The following GSK3B variants were observed in gnomAD, a reference collection of about 807,000 sequenced individuals.
GSK3B encodes glycogen synthase kinase-3 beta.
Under a neutral mutation model 56.4 loss-of-function variants are expected in GSK3B, and 15 were observed. That is an observed-to-expected ratio of 0.27 (90% CI 0.18 to 0.41). GSK3B has a LOEUF of 0.41. Ranked by LOEUF, GSK3B falls within the 10% of genes least tolerant of loss-of-function variation. GSK3B has a pLI of 1.00. For synonymous variants in GSK3B, 181 were observed against 188.9 expected, an observed-to-expected ratio of 0.96 and a Z score of 0.34; for missense variants, 300 against 513.4, an observed-to-expected ratio of 0.58 and a Z score of 4.02.
chr3:119,855,210 C>G (rs1290536573), intron 9 of GSK3B, among the ~76,000 whole-genome samples: 4 of 151,808 alleles, frequency 2.6e-5, no homozygotes, highest in Non-Finnish European at 4.4e-5. Flanking sequence ...TTTATGCAGC[C>G]AACAGACACA....
intron 9 of GSK3B, among the ~76,000 whole-genome samples, chr3:119,853,734 G>A (rs935387413): frequency 2.0e-5 from 3 of 152,124 alleles, no homozygotes; most frequent in Admixed American, 6.5e-5. Context: ...TCTGTTATTG[G>A]TGTATAAGAA....
intron 1 of GSK3B, among the ~76,000 whole-genome samples, chr3:120,035,564 T>C (rs2058015231): frequency 1.3e-5 from 2 of 152,250 alleles, no homozygotes; most frequent in South Asian, 2.1e-4. Context: ...GTAGATCAAC[T>C]AGGAGAGCAC....
chr3:119,996,596 G>GTT (rs61610113), intron 2 of GSK3B, among the ~76,000 whole-genome samples: 19 of 140,314 alleles, frequency 1.4e-4, no homozygotes, highest in Non-Finnish European at 2.5e-4. Flanking sequence ...TTTATTTAGT[G>GTT]TTTTTTTTTT....
At chr3:120,020,621 GCCT>G (rs2107508988) in intron 1 of GSK3B, among the ~76,000 whole-genome samples, 1 of 152,052 alleles carries the variant, frequency 6.6e-6, no homozygotes, top group East Asian at 1.9e-4. Flanking sequence ...CCTCTCCTCA[GCCT>G]CCTTATTCCA....
chr3:119,917,273 G>A (rs1385985235), intron 4 of GSK3B, among the ~76,000 whole-genome samples: 1 of 152,148 alleles, frequency 6.6e-6, no homozygotes, highest in African/African-American at 2.4e-5. Context: ...GGTGAAAACT[G>A]CAGACAGCTG....
At position 119,832,945 on chromosome 3, in the gene GSK3B, A is replaced by AT; in HGVS notation, c.1196-6091dup. 4 of 976,484 alleles carry AT rather than the reference A, an allele frequency of 4.1e-6. No individual in the cohort carries two copies. In the South Asian group the frequency reaches 1.4e-4, roughly 35 times the overall value. The allele number at this position is 976,484 out of a possible 1,614,324, so 60.5% of individuals were successfully genotyped here. A position where few individuals can be genotyped will look rare whatever the true frequency, so the allele number is the denominator to read the frequency against. On this transcript the variant is annotated intron_variant, in intron 10 of 10. Coordinates refer to ENST00000264235, the MANE Select transcript of GSK3B (RefSeq NM_001146156.2). ...CTTTTTATAGGACAGGATCTACAGC[A>AT]TTTTTTGTTTTGTTTGTTTGTTTTT...
intron 9 of GSK3B, among the ~76,000 whole-genome samples, chr3:119,850,936 A>G (rs773662776): frequency 6.6e-6 from 1 of 152,168 alleles, no homozygotes. Context: ...AATAGGAAGG[A>G]TAAAAGATAG....
intron 2 of GSK3B, among the ~76,000 whole-genome samples, chr3:119,949,991 T>C (rs936240533): frequency 6.6e-6 from 1 of 151,420 alleles, no homozygotes; most frequent in African/African-American, 2.4e-5. Context: ...CATTTGGGAG[T>C]CATCTAGATA....
chr3:120,033,521 T>A (rs78883820), intron 1 of GSK3B, among the ~76,000 whole-genome samples: 6,958 of 152,302 alleles, frequency 0.046, 205 homozygotes, highest in Non-Finnish European at 0.068. Flanking sequence ...TCCTAATGAG[T>A]CTGAAGTGGT....
rs184645395 is a variant in GSK3B at position 119,946,232 on chromosome 3, A to G, written c.366+1036T>C. On this transcript the variant is annotated intron_variant, in intron 3 of 10. Coordinates refer to ENST00000264235, the MANE Select transcript of GSK3B (RefSeq NM_001146156.2). ...TTATATCAAAATTCGGGCTTAATAC[A>G]TTGACATCTTCCTATATAATAGGCA... Among the ~76,000 whole-genome samples, 953 of 152,290 alleles carry G rather than the reference A, an allele frequency of 6.3e-3. 6 individuals are homozygous for G. The highest frequency in any genetic ancestry group is 0.011 in the Non-Finnish European group (720 of 68,008).
intron 2 of GSK3B, among the ~76,000 whole-genome samples, chr3:119,976,753 G>A (rs951396828): frequency 7.8e-6 from 1 of 127,488 alleles, no homozygotes; most frequent in African/African-American, 3.2e-5. Flanking sequence ...TCAAGCAGCT[G>A]ACCACTCCCC....
chr3:119,880,137 G>A (rs930718183), intron 7 of GSK3B, among the ~76,000 whole-genome samples: 3 of 152,054 alleles, frequency 2.0e-5, no homozygotes, highest in African/African-American at 7.2e-5. Flanking sequence ...ATTTGATACT[G>A]CCTGTCATTT....
intron 3 of GSK3B, among the ~76,000 whole-genome samples, chr3:119,935,541 A>C (rs933344317): frequency 2.0e-5 from 3 of 152,152 alleles, no homozygotes; most frequent in Admixed American, 6.5e-5. Context: ...AACTTTATAT[A>C]CCAGCAATTT....
chr3:120,087,465 G>C (rs2058473809), intron 1 of GSK3B, among the ~76,000 whole-genome samples: 1 of 151,872 alleles, frequency 6.6e-6, no homozygotes. Flanking sequence ...CTGGGTGGCA[G>C]AGGTTGCAGT....
chr3:119,958,033 C>A (rs13319825), intron 2 of GSK3B, among the ~76,000 whole-genome samples: 2,768 of 152,220 alleles, frequency 0.018, 90 homozygotes, highest in African/African-American at 0.063. Flanking sequence ...CCTATACCCC[C>A]CCAAGTGTCA....
At chr3:120,025,516 A>G (rs975131274) in intron 1 of GSK3B, among the ~76,000 whole-genome samples, 6 of 152,242 alleles carry the variant, frequency 3.9e-5, no homozygotes, top group Non-Finnish European at 8.8e-5. Flanking sequence ...GCAAATATGA[A>G]GAACAAAGAT....
intron 1 of GSK3B, among the ~76,000 whole-genome samples, chr3:120,009,411 T>C (rs1387393593): frequency 2.0e-5 from 3 of 152,098 alleles, no homozygotes; most frequent in African/African-American, 4.8e-5. Flanking sequence ...CTATTCACAA[T>C]AGCAAAGAGT....
At chr3:120,055,411 A>G (rs1311669974) in intron 1 of GSK3B, among the ~76,000 whole-genome samples, 2 of 152,208 alleles carry the variant, frequency 1.3e-5, no homozygotes, top group Admixed American at 1.3e-4. Flanking sequence ...TAGTATATCA[A>G]TATCACTTTT....
chr3:119,914,650 T>C (rs1576195632), intron 5 of GSK3B, among the ~76,000 whole-genome samples: 2 of 152,080 alleles, frequency 1.3e-5, no homozygotes, highest in Non-Finnish European at 2.9e-5. Flanking sequence ...AACAGAGTCA[T>C]GGCCTGCAAA....
Sources: gnomAD v4.1 joint callset for allele counts (sites outside exome capture counted in the v4.1 genomes callset) on GRCh38, gnomAD v4.1.1 for gene constraint, MANE v1.5 for transcripts, NCBI Gene and HGNC (gene_info 2026-07-23, HGNC 2026-07-21) for gene names.